MTMR10: variants seen among roughly 807,000 people sequenced by gnomAD.
MTMR10 encodes myotubularin related protein 10, also known as myotubularin-related protein 10.
A neutral mutation model predicts 88.1 loss-of-function variants in MTMR10; 56 were observed. The ratio of observed to expected loss-of-function variants is 0.64; its 90% confidence interval spans 0.51 to 0.79. The LOEUF is 0.79. Ranked by LOEUF, MTMR10 falls within the 30% of genes least tolerant of loss-of-function variation. The pLI is 0.00. For synonymous variants in MTMR10, 380 were observed against 340.9 expected, an observed-to-expected ratio of 1.11 and a Z score of -1.26; for missense variants, 883 against 924.7, an observed-to-expected ratio of 0.95 and a Z score of 0.58.
At chr15:30,971,401 C>T (rs1051031639) in intron 5 of MTMR10, among the ~76,000 whole-genome samples, 2 of 152,082 alleles carry the variant, frequency 1.3e-5, no homozygotes, top group African/African-American at 4.8e-5. Context: ...AACTCAAATC[C>T]AGGAAACACT....
At chr15:30,920,697 G>T in the MTMR10 span, 5 of 1,169,586 alleles carry the variant, frequency 4.3e-6, no homozygotes, top group Non-Finnish European at 6.3e-6. Context: ...TGATGTGATG[G>T]CGTTAAACAT....
chr15:30,939,708 A>G lies in MTMR10; in HGVS notation c.*1762T>C. 1 of 972,714 alleles carries G rather than the reference A, an allele frequency of 1.0e-6. No individual in the cohort carries two copies. Among genetic ancestry groups the G allele is most frequent in the South Asian group, 4.8e-5 (1 of 21,022 alleles). The allele number at this position is 972,714 out of a possible 1,614,324, so 60.3% of individuals were successfully genotyped here. A position where few individuals can be genotyped will look rare whatever the true frequency, so the allele number is the denominator to read the frequency against. ...CAGAGGGAAAAATGCTCAATCCAAAACATTTAGTAATAATAAAAAAGCAGC... is the reference window on the plus strand; with the variant it reads ...CAGAGGGAAAAATGCTCAATCCAAAGCATTTAGTAATAATAAAAAAGCAGC... On this transcript the variant is annotated 3_prime_UTR_variant, in exon 16 of 16. Transcript: ENST00000435680.
chr15:30,943,961 G>C lies in MTMR10; in HGVS notation c.1549-889C>G, dbSNP rs1390482310. On this transcript the variant is annotated intron_variant, in intron 14 of 15. Coordinates refer to ENST00000435680, the MANE Select transcript of MTMR10 (RefSeq NM_017762.3). ...AATAACTCCAGACACAAAGTCGCTG[G>C]ATGATGGGAAATGTCTGATTCTTTG... 5.1e-6 allele frequency: 5 copies of C among 985,378 alleles called. No homozygotes were observed. The African/African-American group carries it at 8.7e-5, about 17-fold the overall frequency. 61.0% of individuals were successfully genotyped at this position (985,378 alleles called of 1,614,324 possible).
downstream of MTMR10, among the ~76,000 whole-genome samples, chr15:30,934,217 C>T (rs896949075): frequency 4.6e-5 from 7 of 151,956 alleles, no homozygotes; most frequent in African/African-American, 1.7e-4. Context: ...CAACTTTGTC[C>T]GATATTGTCA....
the MTMR10 span, chr15:30,927,798 G>A: frequency 1.4e-5 from 14 of 985,808 alleles, no homozygotes; most frequent in Non-Finnish European, 1.7e-5. Context: ...ATGAGCTGGG[G>A]CTTGCTCAGG....
At chr15:30,925,507 G>A in the MTMR10 span, among the ~76,000 whole-genome samples, 2 of 152,322 alleles carry the variant, frequency 1.3e-5, no homozygotes, top group Admixed American at 6.5e-5. Context: ...TCACACCCTG[G>A]GTTGAGTGAC....
At chr15:30,980,800 A>G (rs910632400) in intron 2 of MTMR10, among the ~76,000 whole-genome samples, 1 of 152,234 alleles carries the variant, frequency 6.6e-6, no homozygotes. Context: ...AAGATGAAAT[A>G]ACTCTCAATG....
At chr15:30,951,043 C>A (rs1399040615) in intron 12 of MTMR10, among the ~76,000 whole-genome samples, 2 of 152,308 alleles carry the variant, frequency 1.3e-5, no homozygotes, top group East Asian at 3.9e-4. Context: ...GTTGGTTGAC[C>A]ACAGATGGGG....
intron 4 of MTMR10, 119 bp downstream of exon 4, chr15:30,974,812 C>G: frequency 1.5e-6 from 1 of 662,620 alleles, no homozygotes; most frequent in Non-Finnish European, 2.3e-6. Flanking sequence ...CTCAAAAAAA[C>G]GGCAAAAGTA....
chr15:30,991,490 G>T lies in MTMR10; in HGVS notation c.17C>A (p.Pro6Gln). Residue 6 changes from proline (P) to glutamine (Q), a missense_variant, in exon 1 of 16, where the codon CCG (proline) becomes CAG (glutamine). By Grantham distance (76) the Pro-to-Gln change is moderately conservative. Transcript: ENST00000435680. ...GTAGGACCTGAAGGTGGGTTTGGGC[G>T]GCTTGAGGGAGAACATGGTGCCGCC... is the stretch of plus-strand genomic sequence containing the variant. MFSLKPPKPTFRSYLL... is the reference protein window; with the variant it reads MFSLKQPKPTFRSYLL... 5.9e-6 allele frequency: 9 copies of T among 1,519,146 alleles called. No homozygotes were observed. Among genetic ancestry groups the T allele is most frequent in the Non-Finnish European group, 7.9e-6 (9 of 1,142,558 alleles). The allele number at this position is 1,519,146 out of a possible 1,614,324, so 94.1% of individuals were successfully genotyped here. A position where few individuals can be genotyped will look rare whatever the true frequency, so the allele number is the denominator to read the frequency against.
At chr15:30,936,997 T>TA (rs1566937078), downstream of MTMR10, 2 of 772,386 alleles carry the variant, frequency 2.6e-6, no homozygotes, top group Admixed American at 2.5e-5. Context: ...GTGTTACACT[T>TA]ACAAATACAG....
At position 30,954,804 on chromosome 15, in the gene MTMR10, A is replaced by G. The variant is rs763371521; in HGVS notation, c.1025T>C (p.Val342Ala). 2 of 1,602,710 alleles carry G rather than the reference A, an allele frequency of 1.2e-6. No individual in the cohort carries two copies. The highest frequency in any genetic ancestry group is 1.7e-6 in the Non-Finnish European group (2 of 1,174,102). ...CTTCAGTTTTACAAATGCTGCCTGT[A>G]CTTCTTGAATATTAGGCAAGGTCTT... Reference protein sequence around the residue: ...LDKTLPNIQEVQAAFVKLKQL... With the variant: ...LDKTLPNIQEAQAAFVKLKQL... The change falls in exon 10 of 16, where the codon GTA (valine) becomes GCA (alanine). Residue 342 changes from valine to alanine, a missense_variant. Val to Ala is a moderately conservative substitution (Grantham distance 64). This residue lies in a region of MTMR10 where 414 missense variants were observed against 423.2 expected (regional missense o/e 0.98). Transcript: ENST00000435680.
At chr15:30,952,656 G>C (rs1268629465) in intron 11 of MTMR10, among the ~76,000 whole-genome samples, 1 of 151,886 alleles carries the variant, frequency 6.6e-6, no homozygotes, top group South Asian at 2.1e-4. Context: ...ACCATGCCTG[G>C]CTAGTTTCCA....
the MTMR10 span, chr15:30,929,128 A>G: frequency 7.7e-7 from 1 of 1,305,890 alleles, no homozygotes; most frequent in Non-Finnish European, 1.1e-6. Flanking sequence ...CAAGTTTTGT[A>G]TGTACTGACT....
intron 14 of MTMR10, among the ~76,000 whole-genome samples, chr15:30,945,798 G>T (rs1184845260): frequency 6.6e-6 from 1 of 152,128 alleles, no homozygotes; most frequent in Non-Finnish European, 1.5e-5. Flanking sequence ...TTCCTGGTGG[G>T]GTGGGCAGGG....
chr15:30,975,297 C>A (rs1262275377), intron 3 of MTMR10, among the ~76,000 whole-genome samples: 1 of 152,144 alleles, frequency 6.6e-6, no homozygotes, highest in Non-Finnish European at 1.5e-5. Flanking sequence ...AAAAAGGGCT[C>A]TTAGGTCATC....
At chr15:30,958,457 C>T (rs2063356446) in intron 9 of MTMR10, among the ~76,000 whole-genome samples, 1 of 152,228 alleles carries the variant, frequency 6.6e-6, no homozygotes. Context: ...TGATGCCAGA[C>T]TCGTCTGTGG....
the MTMR10 span, chr15:30,927,638 C>A: frequency 1.0e-6 from 1 of 985,596 alleles, no homozygotes; most frequent in Non-Finnish European, 1.2e-6. Context: ...GCCAGAGGAG[C>A]TTTGCTGCCA....
intron 14 of MTMR10, 171 bp from the exon 15 acceptor site, chr15:30,943,243 T>A (rs2063110974): frequency 1.5e-6 from 2 of 1,372,460 alleles, no homozygotes; most frequent in East Asian, 5.3e-5. Context: ...GCCTTTGAGC[T>A]CAGAGGGCCC....
Sources: allele counts gnomAD v4.1 joint callset (sites outside exome capture counted in the v4.1 genomes callset), GRCh38; gene constraint gnomAD v4.1.1; regional missense constraint gnomAD v4.1.1; transcripts MANE v1.5; gene names NCBI Gene and HGNC (gene_info 2026-07-23, HGNC 2026-07-21).